Variants in ARHGAP19 observed in about 807,000 individuals in gnomAD.
ARHGAP19 encodes the protein rho GTPase-activating protein 19.
A neutral mutation model predicts 60.9 loss-of-function variants in ARHGAP19; 48 were observed. The observed-to-expected ratio is 0.79, with a 90% CI of 0.62 to 1.00. ARHGAP19 has a LOEUF of 1.00. Ranked by LOEUF, ARHGAP19 falls within the 50% of genes least tolerant of loss-of-function variation. The pLI is 0.00. For missense variants in ARHGAP19, 562 were observed against 597.2 expected (o/e 0.94, Z 0.61); for synonymous variants, 209 against 215.5 (o/e 0.97, Z 0.27).
At chr10:97,285,810 A>G (rs550344955) in intron 1 of ARHGAP19, among the ~76,000 whole-genome samples, 4 of 152,168 alleles carry the variant, frequency 2.6e-5, no homozygotes, top group Non-Finnish European at 5.9e-5. Context: ...GTGAGCCACC[A>G]TGCTTGGCCT....
chr10:97,236,934 A>T (rs554581771), intron 8 of ARHGAP19, among the ~76,000 whole-genome samples: 32 of 152,276 alleles, frequency 2.1e-4, no homozygotes, highest in Non-Finnish European at 4.1e-4. Flanking sequence ...GGACTGTGAA[A>T]CATGTTGAAT....
At chr10:97,228,422 C>T (rs1045768988) in intron 11 of ARHGAP19, among the ~76,000 whole-genome samples, 1 of 152,134 alleles carries the variant, frequency 6.6e-6, no homozygotes, top group African/African-American at 2.4e-5. Flanking sequence ...TTCAATTGAG[C>T]CTCATAATAA....
intron 4 of ARHGAP19, 150 bp from the exon 5 acceptor site, chr10:97,259,778 T>TA (rs1842803944): frequency 3.2e-6 from 2 of 628,788 alleles, no homozygotes; most frequent in Non-Finnish European, 5.7e-6. Context: ...CAGCAAAACA[T>TA]AATAACAAAA....
At chr10:97,274,140 G>A (rs753263381) in intron 1 of ARHGAP19, among the ~76,000 whole-genome samples, 1 of 152,132 alleles carries the variant, frequency 6.6e-6, no homozygotes, top group African/African-American at 2.4e-5. Flanking sequence ...GTTACCTTTT[G>A]TGGACAGTGA....
intron 6 of ARHGAP19, among the ~76,000 whole-genome samples, chr10:97,253,249 G>A (rs753146206): frequency 6.6e-6 from 1 of 151,930 alleles, no homozygotes; most frequent in Non-Finnish European, 1.5e-5. Context: ...GTAGTGGTGC[G>A]TGCCTGTAAT....
At chr10:97,259,255 C>T in intron 5 of ARHGAP19, 147 bp downstream of exon 5, 1 of 661,248 alleles carries the variant, frequency 1.5e-6, no homozygotes, top group African/African-American at 1.8e-5. Context: ...TCTGATGACT[C>T]TTCAATGAAC....
intron 3 of ARHGAP19, 128 bp from the exon 4 acceptor site, chr10:97,263,757 C>A: frequency 1.2e-6 from 1 of 861,528 alleles, no homozygotes; most frequent in South Asian, 1.7e-5. Context: ...TAAGTTTTTG[C>A]CTTTTTTCAC....
At chr10:97,281,018 G>A (rs572741195) in intron 1 of ARHGAP19, among the ~76,000 whole-genome samples, 1 of 152,248 alleles carries the variant, frequency 6.6e-6, no homozygotes, top group South Asian at 2.1e-4. Context: ...TACTATCCAA[G>A]AGACAGCTAA....
In ARHGAP19 at chr10:97,229,207, C is replaced by A. The variant is rs1850957660; in HGVS notation, c.1414G>T (p.Ala472Ser). Residue 472 changes from alanine (A) to serine (S), a missense_variant, in exon 11 of 12, where the codon GCT (alanine) becomes TCT (serine). By Grantham distance (99) the Ala-to-Ser change is moderately conservative. Transcript: ENST00000358531. ...AATCTTGTTGGTGTCATCGTGACAG[C>A]TGGAGAGCCAGAAAATAACTGTAAT... is the stretch of plus-strand genomic sequence containing the variant. ...NRNLLFSGSP[A>S]VTMTPTRLKW... The A allele has an allele frequency of 1.9e-6, 3 of 1,614,108 alleles. No individual in the cohort carries two copies. The highest frequency in any genetic ancestry group is 2.5e-6 in the Non-Finnish European group (3 of 1,179,978).
At chr10:97,265,697 A>AT in intron 2 of ARHGAP19, 163 bp downstream of exon 2, 1 of 732,066 alleles carries the variant, frequency 1.4e-6, no homozygotes. Context: ...AGTTTTTATA[A>AT]TTTGTATTAC....
intron 4 of ARHGAP19, among the ~76,000 whole-genome samples, chr10:97,262,067 C>T (rs560691098): frequency 3.3e-5 from 5 of 151,948 alleles, no homozygotes; most frequent in Non-Finnish European, 7.4e-5. Context: ...ATCAGTAACA[C>T]TGGTCTGGGG....
rs558626789 is a variant in ARHGAP19, at chr10:97,265,748, G to T, written c.322+112C>A. On this transcript the variant is annotated intron_variant, in intron 2 of 11. Coordinates refer to ENST00000358531, the MANE Select transcript of ARHGAP19 (RefSeq NM_032900.6). ...TACTACTTATAAAAACTGAAAAAAT[G>T]GCCAAAAAATGCTTTAAGTTAATAG... 1.6e-3 allele frequency: 2,197 copies of T among 1,400,348 alleles called. 4 individuals are homozygous for T. Among genetic ancestry groups the T allele is most frequent in the Non-Finnish European group, 2.0e-3 (2,041 of 1,034,716 alleles). The allele number at this position is 1,400,348 out of a possible 1,614,324, so 86.7% of individuals were successfully genotyped here. A position where few individuals can be genotyped will look rare whatever the true frequency, so the allele number is the denominator to read the frequency against.
intron 1 of ARHGAP19, among the ~76,000 whole-genome samples, chr10:97,273,089 C>T (rs1699769723): frequency 6.6e-6 from 1 of 152,070 alleles, no homozygotes; most frequent in Non-Finnish European, 1.5e-5. Context: ...ATCCGCCCGC[C>T]TCGGCCTCCC....
chr10:97,234,253 G>A (rs1851086135), intron 9 of ARHGAP19, among the ~76,000 whole-genome samples: 1 of 151,714 alleles, frequency 6.6e-6, no homozygotes, highest in African/African-American at 2.4e-5. Flanking sequence ...GGCGACAACA[G>A]CGAGACTCTG....
chr10:97,243,958 C>A lies in ARHGAP19; in HGVS notation c.1185+10G>T. ...TAAAGCCCCATCACAACTTCCCTGC[C>A]TTTAGGCACCTGTCTAATAAGTTGT... is the stretch of plus-strand genomic sequence containing the variant. On this transcript the variant is annotated intron_variant, in intron 8 of 11. Coordinates refer to ENST00000358531, the MANE Select transcript of ARHGAP19 (RefSeq NM_032900.6). 1.3e-6 allele frequency: 2 copies of A among 1,596,782 alleles called. No individual in the cohort carries two copies. The highest frequency in any genetic ancestry group is 1.7e-6 in the Non-Finnish European group (2 of 1,171,102).
At chr10:97,278,014 A>G (rs1182208592) in intron 1 of ARHGAP19, 2 of 152,386 alleles carry the variant, frequency 1.3e-5, no homozygotes, top group Non-Finnish European at 2.9e-5. Flanking sequence ...TACAATAAAT[A>G]CCACTGTCCT....
At position 97,224,768 on chromosome 10, in the gene ARHGAP19, C is replaced by G. The variant is rs1247430628; in HGVS notation, c.*1354G>C. The G allele has an allele frequency of 1.3e-5, 2 of 152,364 alleles. No homozygotes were observed. The highest frequency in any genetic ancestry group is 2.9e-5 in the Non-Finnish European group (2 of 68,174). The allele number at this position is 152,364 out of a possible 1,614,324, so 9.4% of individuals were successfully genotyped here. A position where few individuals can be genotyped will look rare whatever the true frequency, so the allele number is the denominator to read the frequency against. On this transcript the variant is annotated 3_prime_UTR_variant, in exon 12 of 12. Transcript: ENST00000358531. ...AGCCAGGCACAAACCTGAGCATTCC[C>G]CCCTGCTACATGCTGCTCTCTGGGC...
chr10:97,222,724 A>G lies in ARHGAP19; in HGVS notation c.*3398T>C, dbSNP rs1850826420. ...AATGCTAGTATCTAGGTTTAGATCTAGGTCCTGTCTTCCGTTTGAAGCCTT... is the reference window on the plus strand; with the variant it reads ...AATGCTAGTATCTAGGTTTAGATCTGGGTCCTGTCTTCCGTTTGAAGCCTT... On this transcript the variant is annotated 3_prime_UTR_variant, in exon 12 of 12. Coordinates refer to ENST00000358531, the MANE Select transcript of ARHGAP19 (RefSeq NM_032900.6). The G allele has an allele frequency of 6.6e-6, 1 of 152,182 alleles. No individual in the cohort carries two copies. The highest frequency in any genetic ancestry group is 1.5e-5 in the Non-Finnish European group (1 of 68,036). 9.4% of individuals were successfully genotyped at this position (152,182 alleles called of 1,614,324 possible). A position where few individuals can be genotyped will look rare whatever the true frequency, so the allele number is the denominator to read the frequency against.
At position 97,242,230 on chromosome 10, in the gene ARHGAP19, G is replaced by A. The variant is rs1161543224; in HGVS notation, c.1185+1738C>T. On this transcript the variant is annotated intron_variant, in intron 8 of 11. Transcript: ENST00000358531. ...CACAACATAAACACTGGCAGGAAGA[G>A]TGATTTGCTTTCTTCTTATCCTTCT... Among the ~76,000 whole-genome samples the A allele has an allele frequency of 2.0e-5, 3 of 149,834 alleles. No individual in the cohort carries two copies. In the East Asian group the frequency reaches 5.9e-4, roughly 29 times the overall value.
Sources: gnomAD v4.1 joint callset for allele counts (sites outside exome capture counted in the v4.1 genomes callset) on GRCh38, gnomAD v4.1.1 for gene constraint, MANE v1.5 for transcripts, NCBI Gene and HGNC (gene_info 2026-07-23, HGNC 2026-07-21) for gene names.